KIRREL3: variants seen among roughly 807,000 people sequenced by gnomAD.
KIRREL3 encodes kirre like nephrin family adhesion molecule 3.
In KIRREL3, 36 loss-of-function variants were observed where a neutral mutation model predicts 89.7. That is an observed-to-expected ratio of 0.40 (90% CI 0.31 to 0.53). KIRREL3 has a LOEUF of 0.53. Among genes scored for constraint, KIRREL3 ranks in the 20% least tolerant of loss-of-function variants. KIRREL3 has a pLI of 0.49. For missense variants in KIRREL3, 864 were observed against 1,056.6 expected (o/e 0.82, Z 2.53); for synonymous variants, 445 against 441.4 (o/e 1.01, Z -0.10).
In KIRREL3 at chr11:126,999,523, G is replaced by C. The variant is rs1296274219; in HGVS notation, c.55+932C>G. Among the ~76,000 whole-genome samples the C allele has an allele frequency of 6.6e-6, 1 of 152,210 alleles. No homozygotes were observed. The highest frequency in any genetic ancestry group is 2.4e-5 in the African/African-American group (1 of 41,448). ...TCTTGCACCTCTAAGAGCTGTGTTGGCTGGCACAAATGCAGCCTCAGATGG... is the reference window on the plus strand; with the variant it reads ...TCTTGCACCTCTAAGAGCTGTGTTGCCTGGCACAAATGCAGCCTCAGATGG... On this transcript the variant is annotated intron_variant, in intron 1 of 16. Coordinates refer to ENST00000525144, the MANE Select transcript of KIRREL3 (RefSeq NM_032531.4). The surrounding 1 kb of genome is among the most constrained non-coding windows in gnomAD (Gnocchi z 5.7).
chr11:126,617,712 C>A (rs1387731669), intron 1 of KIRREL3, among the ~76,000 whole-genome samples: 1 of 152,158 alleles, frequency 6.6e-6, no homozygotes, highest in Non-Finnish European at 1.5e-5. Context: ...CACAACCCAG[C>A]AAGATAGGCA....
intron 1 of KIRREL3, among the ~76,000 whole-genome samples, chr11:126,882,414 C>G (rs1945538554): frequency 6.6e-6 from 1 of 152,196 alleles, no homozygotes; most frequent in African/African-American, 2.4e-5. Flanking sequence ...GTTAACTGAA[C>G]TAGCAACACA....
chr11:126,425,615 T>C, intron 16 of KIRREL3, 23 bp downstream of exon 16: 1 of 1,551,920 alleles, frequency 6.4e-7, no homozygotes, highest in Non-Finnish European at 8.8e-7. Context: ...TGGCTGTGTC[T>C]TATAACCCGG....
At chr11:126,800,839 G>A (rs1450367122) in intron 1 of KIRREL3, among the ~76,000 whole-genome samples, 1 of 152,180 alleles carries the variant, frequency 6.6e-6, no homozygotes, top group East Asian at 1.9e-4. Context: ...CTTTTCAGCG[G>A]ATTTAGCTGT....
chr11:126,749,473 A>G (rs1033841262), intron 1 of KIRREL3, among the ~76,000 whole-genome samples: 9 of 152,180 alleles, frequency 5.9e-5, no homozygotes, highest in Non-Finnish European at 1.2e-4. Context: ...TCCTGGGGAC[A>G]TCATCTGCTG....
rs1438449400 is a variant in KIRREL3, at chr11:126,429,242, A to G, written c.1743T>C (p.Ile581=). The G allele has an allele frequency of 1.9e-6, 3 of 1,613,824 alleles. No individual in the cohort carries two copies. The highest frequency in any genetic ancestry group is 1.7e-6 in the Non-Finnish European group (2 of 1,179,858). The change falls in exon 15 of 17, where the codon ATT becomes ATC. Residue 581 remains isoleucine, a synonymous_variant. Coordinates refer to ENST00000525144, the MANE Select transcript of KIRREL3 (RefSeq NM_032531.4). This position sits in a 1 kb window ranked among gnomAD's most constrained non-coding sequence, Gnocchi z 5.2. ...VSAKNDIRVE[I]VHKEPASGRE... ...GACCAGAGGCTGGTTCCTTGTGGAC[A>G]ATTTCCACTCGGATATCATTTTTGG...
rs1441512301 is a variant in KIRREL3 at position 126,628,958 on chromosome 11, CA to C, written c.56-66047del. ...CAATTTGTAAATCTTTGATAATGAG[CA>C]TTTAAAGGGCACGTCCTAATGAAGG... is the stretch of plus-strand genomic sequence containing the variant. On this transcript the variant is annotated intron_variant, in intron 1 of 16. Transcript: ENST00000525144. The surrounding 1 kb of genome is among the most constrained non-coding windows in gnomAD (Gnocchi z 5.2). Among the ~76,000 whole-genome samples the C allele has an allele frequency of 3.9e-5, 6 of 152,218 alleles. No homozygotes were observed. Among genetic ancestry groups the C allele is most frequent in the African/African-American group, 1.4e-4 (6 of 41,456 alleles).
intron 1 of KIRREL3, among the ~76,000 whole-genome samples, chr11:126,907,316 C>T (rs886667303): frequency 1.3e-5 from 2 of 152,256 alleles, no homozygotes; most frequent in Admixed American, 1.3e-4. Context: ...TTTATCAGAT[C>T]ATGATCTGTG....
chr11:126,699,488 G>C (rs934283991), intron 1 of KIRREL3, among the ~76,000 whole-genome samples: 1 of 152,182 alleles, frequency 6.6e-6, no homozygotes, highest in Non-Finnish European at 1.5e-5. Flanking sequence ...CACACTCAGC[G>C]AGTAAAAAGA....
rs1466010862 is a variant in KIRREL3, at chr11:126,687,315, G to A, written c.56-124403C>T. Among the ~76,000 whole-genome samples, 1 of 152,122 alleles carries A rather than the reference G, an allele frequency of 6.6e-6. No homozygotes were observed. The highest frequency in any genetic ancestry group is 2.4e-5 in the African/African-American group (1 of 41,418). On this transcript the variant is annotated intron_variant, in intron 1 of 16. Transcript: ENST00000525144. The surrounding 1 kb of genome is among the most constrained non-coding windows in gnomAD (Gnocchi z 4.6). Reference sequence around the variant, plus strand: ...GCATCACAAAATTGCCTTCAAATTAGCACAGAGAGGGAAAAATCAACGCAT... The same window carrying A: ...GCATCACAAAATTGCCTTCAAATTAACACAGAGAGGGAAAAATCAACGCAT...
At position 126,684,740 on chromosome 11, in the gene KIRREL3, C is replaced by T. The variant is rs1349679754; in HGVS notation, c.56-121828G>A. On this transcript the variant is annotated intron_variant, in intron 1 of 16. Transcript: ENST00000525144. The surrounding 1 kb of genome is among the most constrained non-coding windows in gnomAD (Gnocchi z 4.2). ...AGGTACTGAAGCTTGTAAAGGCCACCTAATCACTTTGCTTTGGTATTCATT... is the reference window on the plus strand; with the variant it reads ...AGGTACTGAAGCTTGTAAAGGCCACTTAATCACTTTGCTTTGGTATTCATT... Among the ~76,000 whole-genome samples the T allele has an allele frequency of 6.6e-6, 1 of 152,184 alleles. No homozygotes were observed. The highest frequency in any genetic ancestry group is 1.5e-5 in the Non-Finnish European group (1 of 68,030).
rs1341800602 is a variant in KIRREL3, at chr11:126,668,855, T to A, written c.56-105943A>T. ...CATTTTAAACCCCTGGCTCTGAGTG[T>A]GCTGCTAAGAATCTATTCCTATAGG... On this transcript the variant is annotated intron_variant, in intron 1 of 16. Transcript: ENST00000525144. The surrounding 1 kb of genome is among the most constrained non-coding windows in gnomAD (Gnocchi z 4.4). Among the ~76,000 whole-genome samples, 13 of 152,042 alleles carry A rather than the reference T, an allele frequency of 8.6e-5. No homozygotes were observed. The highest frequency in any genetic ancestry group is 8.5e-4 in the Admixed American group (13 of 15,236).
At chr11:126,466,687 G>A (rs1956736162) in intron 5 of KIRREL3, among the ~76,000 whole-genome samples, 1 of 152,196 alleles carries the variant, frequency 6.6e-6, no homozygotes, top group Non-Finnish European at 1.5e-5. Context: ...TTGCAGCCTT[G>A]AAGGTACTGT....
rs887448197 is a variant in KIRREL3, at chr11:126,954,245, G to C, written c.55+46210C>G. On this transcript the variant is annotated intron_variant, in intron 1 of 16. Coordinates refer to ENST00000525144, the MANE Select transcript of KIRREL3 (RefSeq NM_032531.4). This position sits in a 1 kb window ranked among gnomAD's most constrained non-coding sequence, Gnocchi z 4.1. ...CTCAAGGATTATAGAGGAATTCTGGGAAGCTTTCATCAGGCCTCTTAAAAA... is the reference window on the plus strand; with the variant it reads ...CTCAAGGATTATAGAGGAATTCTGGCAAGCTTTCATCAGGCCTCTTAAAAA... Among the ~76,000 whole-genome samples, 5 of 151,096 alleles carry C rather than the reference G, an allele frequency of 3.3e-5. No homozygotes were observed. Among genetic ancestry groups the C allele is most frequent in the African/African-American group, 1.2e-4 (5 of 41,042 alleles).
At chr11:126,533,914 T>A (rs1206223669) in intron 2 of KIRREL3, among the ~76,000 whole-genome samples, 2 of 152,118 alleles carry the variant, frequency 1.3e-5, no homozygotes, top group Non-Finnish European at 2.9e-5. Context: ...CCACCCTCTG[T>A]CCTGAACACC....
chr11:126,587,445 A>C lies in KIRREL3; in HGVS notation c.56-24533T>G, dbSNP rs1334884230. 6.6e-6 allele frequency among the ~76,000 whole-genome samples: 1 copy of C among 152,184 alleles called. No individual in the cohort carries two copies. Among genetic ancestry groups the C allele is most frequent in the Non-Finnish European group, 1.5e-5 (1 of 68,036 alleles). ...GCTGGGCAGCTTTCCAATCTGGAACAGTGGGTCATGGAGCCATCACATTCC... is the reference window on the plus strand; with the variant it reads ...GCTGGGCAGCTTTCCAATCTGGAACCGTGGGTCATGGAGCCATCACATTCC... On this transcript the variant is annotated intron_variant, in intron 1 of 16. Transcript: ENST00000525144. This position sits in a 1 kb window ranked among gnomAD's most constrained non-coding sequence, Gnocchi z 5.2.
In KIRREL3 at chr11:126,795,507, C is replaced by T. The variant is rs1451942309; in HGVS notation, c.55+204948G>A. Among the ~76,000 whole-genome samples, 2 of 152,210 alleles carry T rather than the reference C, an allele frequency of 1.3e-5. No homozygotes were observed. Among genetic ancestry groups the T allele is most frequent in the Non-Finnish European group, 2.9e-5 (2 of 68,020 alleles). On this transcript the variant is annotated intron_variant, in intron 1 of 16. Coordinates refer to ENST00000525144, the MANE Select transcript of KIRREL3 (RefSeq NM_032531.4). The surrounding 1 kb of genome is among the most constrained non-coding windows in gnomAD (Gnocchi z 4.1). Reference sequence around the variant, plus strand: ...GCCTCAGCCTCCTGAGCAGCTAGGACTACAGGCGTGTGCCACCACACCTGG... The same window carrying T: ...GCCTCAGCCTCCTGAGCAGCTAGGATTACAGGCGTGTGCCACCACACCTGG...
chr11:126,541,333 G>T lies in KIRREL3; in HGVS notation c.134-14646C>A, dbSNP rs558075817. Among the ~76,000 whole-genome samples, 7 of 152,180 alleles carry T rather than the reference G, an allele frequency of 4.6e-5. No homozygotes were observed. The South Asian group carries it at 1.4e-3, about 32-fold the overall frequency. ...CAGATGCCTTATCTGTAAAATGCAA[G>T]GTTTAAGCGCCTTCCTCCCAACCCT... On this transcript the variant is annotated intron_variant, in intron 2 of 16. Transcript: ENST00000525144. The surrounding 1 kb of genome is among the most constrained non-coding windows in gnomAD (Gnocchi z 4.8).
At chr11:126,450,791 ATG>A (rs879348924) in intron 7 of KIRREL3, among the ~76,000 whole-genome samples, 5 of 143,086 alleles carry the variant, frequency 3.5e-5, no homozygotes, top group East Asian at 2.1e-4. Flanking sequence ...GCATCTGTGC[ATG>A]TGTGTGTCTG....
Sources: allele counts gnomAD v4.1 joint callset (sites outside exome capture counted in the v4.1 genomes callset), GRCh38; gene constraint gnomAD v4.1.1; non-coding constraint Gnocchi (gnomAD v3.1); transcripts MANE v1.5; gene names NCBI Gene and HGNC (gene_info 2026-07-23, HGNC 2026-07-21).